Variants in TTC23L observed in about 807,000 individuals in gnomAD.
TTC23L encodes the protein tetratricopeptide repeat domain 23 like.
In TTC23L, 42 loss-of-function variants were observed where a neutral mutation model predicts 48.1. The ratio of observed to expected loss-of-function variants is 0.87; its 90% CI spans 0.68 to 1.13. The LOEUF (loss-of-function observed/expected upper bound fraction) is 1.13. Among genes scored for constraint, TTC23L ranks in the 50% most tolerant of loss-of-function variants. The pLI is 0.00. For missense variants in TTC23L, 391 were observed against 421.0 expected, an observed-to-expected ratio of 0.93 and a Z score of 0.62; for synonymous variants, 159 against 157.2, an observed-to-expected ratio of 1.01 and a Z score of -0.09.
chr5:34,922,461 T>A, the TTC23L span: 1 of 979,858 alleles, frequency 1.0e-6, no homozygotes, highest in Non-Finnish European at 1.6e-6. Context: ...ATTATAAGCA[T>A]ATTATTTATG....
the TTC23L span, chr5:34,925,203 TAATC>T: frequency 4.6e-6 from 7 of 1,527,466 alleles, no homozygotes; most frequent in East Asian, 4.6e-5. Flanking sequence ...CAAAAGCATC[TAATC>T]TTTTTTTTTT....
At chr5:34,866,701 G>A (rs17615134) in intron 6 of TTC23L, among the ~76,000 whole-genome samples, 191 bp from the exon 7 acceptor site, 20,171 of 152,068 alleles carry the variant, frequency 0.13, 1,570 homozygotes, top group South Asian at 0.2. Flanking sequence ...ATGAGTGGTC[G>A]TCAATGAAAT....
chr5:34,913,227 G>A, the TTC23L span, among the ~76,000 whole-genome samples: 3 of 151,864 alleles, frequency 2.0e-5, no homozygotes, highest in East Asian at 1.9e-4. Context: ...TGGCCAGTTC[G>A]AATTTACAAT....
the TTC23L span, chr5:34,916,155 C>T: frequency 1.1e-5 from 4 of 363,542 alleles, no homozygotes; most frequent in Non-Finnish European, 1.5e-5. Flanking sequence ...GTGCTCAGAT[C>T]CAGCGTTCTT....
At chr5:34,922,236 G>A in the TTC23L span, 1 of 1,582,840 alleles carries the variant, frequency 6.3e-7, no homozygotes, top group Non-Finnish European at 8.7e-7. Context: ...ATGAAGAACT[G>A]TAATAAATGC....
At chr5:34,896,740 A>T in intron 9 of TTC23L, 30 bp from the exon 10 acceptor site, 1 of 768,648 alleles carries the variant, frequency 1.3e-6, no homozygotes, top group South Asian at 1.4e-5. Context: ...CACTTCATAG[A>T]GAGGGTGACA....
chr5:34,884,240 G>T (rs898956679), intron 9 of TTC23L, among the ~76,000 whole-genome samples: 3 of 151,970 alleles, frequency 2.0e-5, no homozygotes, highest in Admixed American at 1.3e-4. Context: ...CAACAAAGAA[G>T]GAATAGAAGG....
At chr5:34,844,579 T>C (rs981567914) in intron 2 of TTC23L, among the ~76,000 whole-genome samples, 2 of 152,142 alleles carry the variant, frequency 1.3e-5, no homozygotes, top group Non-Finnish European at 2.9e-5. Context: ...TATTTAAACA[T>C]TGAACATTCA....
chr5:34,848,227 C>T (rs336491), intron 3 of TTC23L, among the ~76,000 whole-genome samples: 14,346 of 152,206 alleles, frequency 0.094, 1,145 homozygotes, highest in African/African-American at 0.22. Context: ...CCTATCGACT[C>T]GTTCAGCCAA....
intron 4 of TTC23L, among the ~76,000 whole-genome samples, chr5:34,850,561 T>C (rs1759593286): frequency 6.6e-6 from 1 of 152,198 alleles, no homozygotes; most frequent in Non-Finnish European, 1.5e-5. Flanking sequence ...CAATATTCCT[T>C]GGAGGGAGAT....
chr5:34,904,143 A>AT (rs1393617437), downstream of TTC23L, among the ~76,000 whole-genome samples: 3 of 150,182 alleles, frequency 2.0e-5, no homozygotes, highest in Non-Finnish European at 3.0e-5. Flanking sequence ...AAAAAAAAAA[A>AT]TTTTTTTTAG....
chr5:34,922,981 T>G, the TTC23L span: 3 of 1,487,918 alleles, frequency 2.0e-6, no homozygotes, highest in Non-Finnish European at 2.8e-6. Context: ...TTAAATAATA[T>G]GCTTACCTTA....
intron 8 of TTC23L, among the ~76,000 whole-genome samples, chr5:34,873,028 A>C (rs1021442045): frequency 5.9e-5 from 9 of 151,880 alleles, no homozygotes; most frequent in Admixed American, 3.9e-4. Context: ...GCGCCATTGC[A>C]CTCCAGCTTG....
Position 34,866,912 on chromosome 5 carries a change from G to C in TTC23L, c.683G>C (p.Arg228Thr), listed in dbSNP as rs761006788. The C allele has an allele frequency of 2.0e-5, 32 of 1,604,752 alleles. No homozygotes were observed. The highest frequency in any genetic ancestry group is 2.6e-5 in the Non-Finnish European group (31 of 1,174,608). ...TGCAGAGCCTCCTTGGCCATCCACA[G>C]ACTGAACCTAGCTCTGGCATACTTT... is the stretch of plus-strand genomic sequence containing the variant. The change falls in exon 7 of 11, where the codon AGA becomes ACA. Residue 228 changes from arginine to threonine, a missense_variant. Arg to Thr is a moderately conservative substitution (Grantham distance 71). Coordinates refer to ENST00000505624, the Ensembl canonical transcript of TTC23L.
At chr5:34,915,994 T>C in the TTC23L span, 2 of 1,375,850 alleles carry the variant, frequency 1.5e-6, no homozygotes, top group Non-Finnish European at 1.9e-6. Flanking sequence ...AATTTCAGAG[T>C]AGCCCGGGTG....
At chr5:34,867,991 C>T (rs1179196648) in intron 7 of TTC23L, 2 of 152,200 alleles carry the variant, frequency 1.3e-5, no homozygotes, top group Non-Finnish European at 2.9e-5. Flanking sequence ...TTCCCAAAAG[C>T]ACCAAAAGAT....
At chr5:34,923,230 T>C in the TTC23L span, 1 of 1,602,624 alleles carries the variant, frequency 6.2e-7, no homozygotes, top group Non-Finnish European at 8.5e-7. Context: ...TTTCGGAACT[T>C]TCAGGTAAGC....
intron 1 of TTC23L, among the ~76,000 whole-genome samples, chr5:34,840,238 G>C (rs1308464406): frequency 1.3e-4 from 4 of 31,988 alleles, no homozygotes; most frequent in South Asian, 1.1e-3. Flanking sequence ...AAATGACCCC[G>C]GGGGGGGGGG....
the TTC23L span, among the ~76,000 whole-genome samples, chr5:34,912,118 AT>A: frequency 7.2e-5 from 11 of 152,190 alleles, no homozygotes; most frequent in African/African-American, 2.7e-4. Flanking sequence ...AGGGTAGAGA[AT>A]CTATATGGAT....
Sources: allele counts gnomAD v4.1 joint callset (sites outside exome capture counted in the v4.1 genomes callset), GRCh38; gene constraint gnomAD v4.1.1; transcripts MANE v1.5; gene names NCBI Gene and HGNC (gene_info 2026-07-23, HGNC 2026-07-21).